IGSF21: variants seen among roughly 807,000 people sequenced by gnomAD.
The protein encoded by IGSF21 is immunoglobin superfamily member 21.
In IGSF21, 28 loss-of-function variants were observed where a neutral mutation model predicts 46.8. The ratio of observed to expected loss-of-function variants is 0.60; its 90% CI spans 0.44 to 0.82. IGSF21 has a LOEUF of 0.82. Among genes scored for constraint, IGSF21 ranks in the 40% least tolerant of loss-of-function variants. The pLI, the probability that IGSF21 is intolerant of heterozygous loss-of-function variation, is 0.00. For missense variants in IGSF21, 624 were observed against 665.5 expected, an observed-to-expected ratio of 0.94 and a Z score of 0.69; for synonymous variants, 284 against 273.6, an observed-to-expected ratio of 1.04 and a Z score of -0.38.
intron 2 of IGSF21, among the ~76,000 whole-genome samples, chr1:18,236,355 A>C (rs2084672689): frequency 6.6e-6 from 1 of 152,202 alleles, no homozygotes; most frequent in African/African-American, 2.4e-5. Context: ...CATGACTGTG[A>C]GGCCTCCTCA....
chr1:18,156,137 G>C (rs74055914), intron 1 of IGSF21, among the ~76,000 whole-genome samples: 388 of 152,320 alleles, frequency 2.5e-3, no homozygotes, highest in African/African-American at 9.0e-3. Flanking sequence ...CTGGACTTGT[G>C]TAGCCCTAGA....
At chr1:18,268,191 ACTT>A (rs2085008062) in intron 2 of IGSF21, among the ~76,000 whole-genome samples, 1 of 152,236 alleles carries the variant, frequency 6.6e-6, no homozygotes, top group Non-Finnish European at 1.5e-5. Context: ...GTTTTAATCT[ACTT>A]CGACTGATCA....
intron 3 of IGSF21, among the ~76,000 whole-genome samples, chr1:18,308,445 C>CCA (rs767207591): frequency 1.4e-4 from 22 of 152,028 alleles, no homozygotes; most frequent in Admixed American, 9.2e-4. Context: ...CAGAGCCCCT[C>CCA]CACACACACA....
intron 3 of IGSF21, among the ~76,000 whole-genome samples, chr1:18,306,636 T>C (rs751343279): frequency 6.6e-6 from 1 of 152,164 alleles, no homozygotes; most frequent in African/African-American, 2.4e-5. Flanking sequence ...AGATTTCATA[T>C]ACGGATAAGC....
chr1:18,343,627 G>GCTCACACCCTCCC (rs2085864338), intron 4 of IGSF21, among the ~76,000 whole-genome samples: 1 of 152,200 alleles, frequency 6.6e-6, no homozygotes, highest in South Asian at 2.1e-4. Context: ...TATATATGGT[G>GCTCACACCCTCCC]TGAGGGAGGG....
intron 3 of IGSF21, among the ~76,000 whole-genome samples, chr1:18,312,032 C>G (rs2085493590): frequency 6.6e-6 from 1 of 152,168 alleles, no homozygotes; most frequent in South Asian, 2.1e-4. Context: ...AAAATGCCAC[C>G]CCATCACCAG....
intron 1 of IGSF21, among the ~76,000 whole-genome samples, chr1:18,159,490 G>A (rs1009652289): frequency 1.6e-4 from 25 of 152,090 alleles, no homozygotes; most frequent in African/African-American, 5.6e-4. Flanking sequence ...TACTGTTCTC[G>A]TGGTAGTGAG....
At chr1:18,137,023 A>G (rs2086373215) in intron 1 of IGSF21, among the ~76,000 whole-genome samples, 1 of 152,018 alleles carries the variant, frequency 6.6e-6, no homozygotes, top group African/African-American at 2.4e-5. Flanking sequence ...GAAGCAATTG[A>G]GACTGGGTAA....
chr1:18,146,146 A>C (rs1570266436), intron 1 of IGSF21, among the ~76,000 whole-genome samples: 1 of 152,222 alleles, frequency 6.6e-6, no homozygotes. Flanking sequence ...GTAAGGAAAC[A>C]GGCAGAGAGG....
chr1:18,278,861 T>G (rs2085130982), intron 2 of IGSF21: 1 of 471,480 alleles, frequency 2.1e-6, no homozygotes, highest in South Asian at 1.5e-5. Context: ...CAGCCCATGT[T>G]CACATTTTAA....
At chr1:18,150,862 T>C (rs951928394) in intron 1 of IGSF21, among the ~76,000 whole-genome samples, 4 of 152,196 alleles carry the variant, frequency 2.6e-5, no homozygotes, top group Non-Finnish European at 5.9e-5. Flanking sequence ...ATTCTGCTGG[T>C]GGGGCAAGAG....
intron 1 of IGSF21, among the ~76,000 whole-genome samples, chr1:18,134,039 C>T (rs1181054636): frequency 6.6e-6 from 1 of 152,144 alleles, no homozygotes; most frequent in Non-Finnish European, 1.5e-5. Context: ...CAGTGAGCAG[C>T]ATGGGGAGGT....
rs79116263 is a variant in IGSF21 at position 18,328,810 on chromosome 1, A to G, written c.306-6082A>G. Among the ~76,000 whole-genome samples, 42 of 152,306 alleles carry G rather than the reference A, an allele frequency of 2.8e-4. No homozygotes were observed. In the East Asian group the frequency reaches 8.1e-3, roughly 29 times the overall value. ...CTCCACCCTCCCCTCCAGTGTCTCC[A>G]TTCTATGAAAATCTAGGATTCTTCC... On this transcript the variant is annotated intron_variant, in intron 3 of 9. Transcript: ENST00000251296.
intron 1 of IGSF21, chr1:18,112,448 T>TG (rs1179453770): frequency 6.6e-6 from 1 of 152,196 alleles, no homozygotes; most frequent in Non-Finnish European, 1.5e-5. Context: ...CGCCATGTGC[T>TG]TTATCTTTCT....
At chr1:18,232,688 G>T (rs2084639677) in intron 2 of IGSF21, among the ~76,000 whole-genome samples, 2 of 152,148 alleles carry the variant, frequency 1.3e-5, no homozygotes, top group African/African-American at 4.8e-5. Context: ...CCTGCCCCTG[G>T]ACCATGACTA....
intron 1 of IGSF21, among the ~76,000 whole-genome samples, chr1:18,151,797 C>T (rs1466072495): frequency 6.6e-6 from 1 of 152,108 alleles, no homozygotes; most frequent in Non-Finnish European, 1.5e-5. Flanking sequence ...ACAGTTTCTG[C>T]CCCACAACCT....
At chr1:18,132,181 ATGG>A (rs2086327651) in intron 1 of IGSF21, among the ~76,000 whole-genome samples, 1 of 151,856 alleles carries the variant, frequency 6.6e-6, no homozygotes, top group South Asian at 2.1e-4. Context: ...GGATGGATGG[ATGG>A]ATGGATGGAT....
At chr1:18,257,438 A>AT (rs573073620) in intron 2 of IGSF21, among the ~76,000 whole-genome samples, 7 of 152,162 alleles carry the variant, frequency 4.6e-5, no homozygotes, top group African/African-American at 1.7e-4. Flanking sequence ...CTGTCATCTA[A>AT]TTTTTTTCCC....
intron 2 of IGSF21, among the ~76,000 whole-genome samples, chr1:18,279,782 G>A: frequency 6.6e-6 from 1 of 152,228 alleles, no homozygotes; most frequent in East Asian, 1.9e-4. Flanking sequence ...AATTACAGCA[G>A]ACAGGATATG....
Sources: allele counts gnomAD v4.1 joint callset (sites outside exome capture counted in the v4.1 genomes callset), GRCh38; gene constraint gnomAD v4.1.1; transcripts MANE v1.5; gene names NCBI Gene and HGNC (gene_info 2026-07-23, HGNC 2026-07-21).